The following LRRC7 variants were observed in gnomAD, a reference collection of about 807,000 sequenced individuals.
LRRC7 encodes leucine rich repeat containing 7.
A neutral mutation model predicts 175.7 loss-of-function variants in LRRC7; 23 were observed. The ratio of observed to expected loss-of-function variants is 0.13; its 90% CI spans 0.09 to 0.19. The LOEUF (loss-of-function observed/expected upper bound fraction) is 0.19, where lower values mean the gene tolerates loss of function less well. Ranked by LOEUF, LRRC7 falls within the 10% of genes least tolerant of loss-of-function variation. LRRC7 has a pLI of 1.00. For synonymous variants in LRRC7, 685 were observed against 680.9 expected (o/e 1.01, Z -0.09); for missense variants, 1,354 against 1,904.7 (o/e 0.71, Z 5.38).
chr1:69,584,426 A>G lies in LRRC7; in HGVS notation c.2+15785A>G, dbSNP rs540013232. Among the ~76,000 whole-genome samples, 9 of 152,178 alleles carry G rather than the reference A, an allele frequency of 5.9e-5. No individual in the cohort carries two copies. In the South Asian group the frequency reaches 1.9e-3, roughly 32 times the overall value. Reference sequence around the variant, plus strand: ...ACAGCTGTGGTTTAGTAGCATGCATAGTTGAATTTCAGTAATACCAAAGAT... The same window carrying G: ...ACAGCTGTGGTTTAGTAGCATGCATGGTTGAATTTCAGTAATACCAAAGAT... On this transcript the variant is annotated intron_variant, in intron 1 of 26. Coordinates refer to ENST00000651989, the MANE Select transcript of LRRC7 (RefSeq NM_001370785.2).
At chr1:70,066,843 C>T (rs1662016386) in intron 23 of LRRC7, among the ~76,000 whole-genome samples, 1 of 152,028 alleles carries the variant, frequency 6.6e-6, no homozygotes, top group African/African-American at 2.4e-5. Context: ...TTTGACATTG[C>T]CAGCAGCAAT....
chr1:69,925,228 C>T (rs1647027304), intron 7 of LRRC7, among the ~76,000 whole-genome samples: 1 of 152,120 alleles, frequency 6.6e-6, no homozygotes, highest in Non-Finnish European at 1.5e-5. Context: ...ATTTTTCCAT[C>T]AATGTTCATC....
intron 1 of LRRC7, among the ~76,000 whole-genome samples, chr1:69,619,916 AAGAT>A (rs1271075655): frequency 6.6e-5 from 10 of 151,978 alleles, no homozygotes; most frequent in Non-Finnish European, 1.2e-4. Flanking sequence ...TTAAAAATGA[AAGAT>A]AGAGTCATGG....
At chr1:69,838,929 G>A (rs1287497886) in intron 7 of LRRC7, 1 of 159,982 alleles carries the variant, frequency 6.3e-6, no homozygotes, top group African/African-American at 2.4e-5. Flanking sequence ...AGAATTTTAT[G>A]TTTTACAGTT....
rs1271615414 is a variant in LRRC7, at chr1:70,141,276, A to G, written c.*19389A>G. The stretch of plus-strand genomic sequence containing the variant: ...TAAGGAAATGGAGCATGGAGAAAGA[A>G]AGGGTTTTTAAGAGTTAAGTCAGTA... On this transcript the variant is annotated 3_prime_UTR_variant, in exon 27 of 27. Coordinates refer to ENST00000651989, the MANE Select transcript of LRRC7 (RefSeq NM_001370785.2). 6.6e-6 allele frequency: 1 copy of G among 152,022 alleles called. No homozygotes were observed. Among genetic ancestry groups the G allele is most frequent in the Non-Finnish European group, 1.5e-5 (1 of 68,006 alleles). 9.4% of individuals were successfully genotyped at this position (152,022 alleles called of 1,614,324 possible).
chr1:69,887,331 T>C (rs1424996661), intron 7 of LRRC7, among the ~76,000 whole-genome samples: 1 of 129,782 alleles, frequency 7.7e-6, no homozygotes, highest in Non-Finnish European at 1.6e-5. Context: ...TTATTCTTTT[T>C]TCTCTAAACT....
chr1:69,673,587 A>G (rs1400684432), intron 1 of LRRC7, among the ~76,000 whole-genome samples: 1 of 152,182 alleles, frequency 6.6e-6, no homozygotes, highest in Non-Finnish European at 1.5e-5. Context: ...CTGACTATTT[A>G]ATGCAAACTG....
intron 7 of LRRC7, among the ~76,000 whole-genome samples, chr1:69,859,104 C>T (rs1439791838): frequency 1.3e-5 from 2 of 152,088 alleles, no homozygotes; most frequent in Admixed American, 6.6e-5. Flanking sequence ...GAAATAAATT[C>T]CCCTACCGCC....
At chr1:70,113,058 A>G (rs1665626602) in intron 26 of LRRC7, among the ~76,000 whole-genome samples, 1 of 152,192 alleles carries the variant, frequency 6.6e-6, no homozygotes, top group African/African-American at 2.4e-5. Flanking sequence ...GGAGACAGCG[A>G]GCAAGATATG....
chr1:69,586,607 A>T (rs959852156), intron 1 of LRRC7, among the ~76,000 whole-genome samples: 1 of 151,526 alleles, frequency 6.6e-6, no homozygotes, highest in African/African-American at 2.4e-5. Context: ...CCATTTACTT[A>T]AAATTATTCC....
intron 1 of LRRC7, among the ~76,000 whole-genome samples, chr1:69,587,376 A>G (rs1646444606): frequency 6.6e-6 from 1 of 152,106 alleles, no homozygotes; most frequent in African/African-American, 2.4e-5. Flanking sequence ...AGTGGACCTC[A>G]CTGATCCCTC....
chr1:69,761,799 G>A (rs1360903314), intron 3 of LRRC7, among the ~76,000 whole-genome samples: 1 of 151,998 alleles, frequency 6.6e-6, no homozygotes, highest in African/African-American at 2.4e-5. Context: ...TCACATAATA[G>A]ATACTGAGTC....
At chr1:69,961,527 C>A (rs561303158) in intron 8 of LRRC7, among the ~76,000 whole-genome samples, 1 of 152,180 alleles carries the variant, frequency 6.6e-6, no homozygotes, top group Admixed American at 6.5e-5. Context: ...TAGCCAAGGC[C>A]AAACTGGGCA....
intron 1 of LRRC7, among the ~76,000 whole-genome samples, chr1:69,572,939 T>G (rs1645796602): frequency 6.6e-6 from 1 of 152,114 alleles, no homozygotes; most frequent in Admixed American, 6.6e-5. Flanking sequence ...ATGGTGTAAT[T>G]AAAAGCATGC....
intron 8 of LRRC7, among the ~76,000 whole-genome samples, chr1:69,965,332 G>A (rs1336285268): frequency 1.3e-5 from 2 of 152,000 alleles, no homozygotes; most frequent in Non-Finnish European, 1.5e-5. Flanking sequence ...TTCGTGTATT[G>A]TCATTCCCTC....
chr1:69,834,816 C>G lies in LRRC7; in HGVS notation c.537C>G (p.Thr179=). The G allele has an allele frequency of 6.2e-7, 1 of 1,613,222 alleles. No individual in the cohort carries two copies. Among genetic ancestry groups the G allele is most frequent in the Non-Finnish European group, 8.5e-7 (1 of 1,179,464 alleles). The change falls in exon 6 of 27, where the codon ACC becomes ACG. Residue 179 remains threonine (T), a synonymous_variant. Transcript: ENST00000651989. ...GCTTCACACAGCTCCTAAACCTGAC[C>G]CAGCTCTACCTGAATGACGCCTTTC... is the stretch of plus-strand genomic sequence containing the variant. The part of the protein sequence containing the change: ...PDGFTQLLNL[T]QLYLNDAFLE...
intron 23 of LRRC7, among the ~76,000 whole-genome samples, chr1:70,071,878 A>T (rs948514527): frequency 6.6e-6 from 1 of 152,148 alleles, no homozygotes; most frequent in African/African-American, 2.4e-5. Flanking sequence ...TGTAAACCAA[A>T]TCATTTTTAC....
chr1:70,079,525 T>C (rs866713168), intron 24 of LRRC7, among the ~76,000 whole-genome samples: 1 of 152,214 alleles, frequency 6.6e-6, no homozygotes, highest in South Asian at 2.1e-4. Flanking sequence ...TTGGAAACTT[T>C]AGTTAAACAG....
chr1:70,094,008 G>A (rs1016737013), intron 25 of LRRC7, among the ~76,000 whole-genome samples: 3 of 152,046 alleles, frequency 2.0e-5, no homozygotes, highest in East Asian at 1.9e-4. Context: ...CATCATTCAG[G>A]GATTCATGTT....
Sources: gnomAD v4.1 joint callset for allele counts (sites outside exome capture counted in the v4.1 genomes callset) on GRCh38, gnomAD v4.1.1 for gene constraint, MANE v1.5 for transcripts, NCBI Gene and HGNC (gene_info 2026-07-23, HGNC 2026-07-21) for gene names.